The following RIPOR2 variants were observed in gnomAD, a reference collection of about 807,000 sequenced individuals.
The protein encoded by RIPOR2 is rho family-interacting cell polarization regulator 2.
Under a neutral mutation model 114.5 loss-of-function variants are expected in RIPOR2, and 39 were observed. The ratio of observed to expected loss-of-function variants is 0.34; its 90% CI spans 0.26 to 0.44. The LOEUF (loss-of-function observed/expected upper bound fraction) is 0.44. Ranked by LOEUF, RIPOR2 falls within the 20% of genes least tolerant of loss-of-function variation. The probability of loss-of-function intolerance (pLI) is 1.00; values close to 1 mark genes in which losing one functional copy is unlikely to be tolerated. For synonymous variants in RIPOR2, 445 were observed against 484.4 expected, an observed-to-expected ratio of 0.92 and a Z score of 1.07; for missense variants, 1,007 against 1,255.1, an observed-to-expected ratio of 0.80 and a Z score of 2.99.
intron 7 of RIPOR2, among the ~76,000 whole-genome samples, chr6:24,862,240 C>T (rs577413162): frequency 6.6e-6 from 1 of 152,240 alleles, no homozygotes; most frequent in African/African-American, 2.4e-5. Context: ...AATCTGGATG[C>T]TGCCTCTGCT....
intron 1 of RIPOR2, chr6:25,023,605 G>A: frequency 1.3e-6 from 1 of 764,398 alleles, no homozygotes; most frequent in South Asian, 1.3e-5. Flanking sequence ...AGGCCTTGAT[G>A]TCTAAATGAG....
At chr6:25,002,616 T>G (rs566349446) in intron 1 of RIPOR2, among the ~76,000 whole-genome samples, 3 of 152,364 alleles carry the variant, frequency 2.0e-5, no homozygotes, top group South Asian at 2.1e-4. Flanking sequence ...GAAGCAACAG[T>G]GCCCTTTAAA....
At chr6:24,998,547 A>T (rs995406679) in intron 1 of RIPOR2, among the ~76,000 whole-genome samples, 4 of 152,336 alleles carry the variant, frequency 2.6e-5, no homozygotes, top group African/African-American at 7.2e-5. Context: ...AACCCAGAAA[A>T]TCTGATTCCT....
chr6:24,873,156 A>G (rs1006707796), intron 3 of RIPOR2, among the ~76,000 whole-genome samples, 197 bp from the exon 4 acceptor site: 4 of 152,206 alleles, frequency 2.6e-5, no homozygotes, highest in Admixed American at 6.5e-5. Flanking sequence ...CCAGCTGGGA[A>G]AGTAGAAAAG....
intron 1 of RIPOR2, among the ~76,000 whole-genome samples, chr6:24,927,598 C>T (rs902696705): frequency 2.0e-5 from 3 of 151,464 alleles, no homozygotes; most frequent in East Asian, 1.9e-4. Context: ...TCTCTATAAT[C>T]GCTACCACCA....
At position 24,858,492 on chromosome 6, in the gene RIPOR2, CA is replaced by C. The variant is rs1458806667; in HGVS notation, c.715+2480del. 2.0e-5 allele frequency among the ~76,000 whole-genome samples: 3 copies of C among 152,136 alleles called. No homozygotes were observed. Among genetic ancestry groups the C allele is most frequent in the Non-Finnish European group, 4.4e-5 (3 of 68,018 alleles). On this transcript the variant is annotated intron_variant, in intron 8 of 21. Transcript: ENST00000643898. This position sits in a 1 kb window ranked among gnomAD's most constrained non-coding sequence, Gnocchi z 4.0. Reference sequence around the variant, plus strand: ...TAACAGATGAGAAAGCAGCTAATTGCAAAGACAATAGGATTTCTTGGCAGCA... The same window carrying C: ...TAACAGATGAGAAAGCAGCTAATTGCAAGACAATAGGATTTCTTGGCAGCA...
At chr6:24,943,232 A>G (rs949001493) in intron 1 of RIPOR2, among the ~76,000 whole-genome samples, 5 of 152,212 alleles carry the variant, frequency 3.3e-5, no homozygotes. Context: ...TCAGTAAATT[A>G]TCGCAAGGAC....
chr6:24,822,851 A>G (rs1357783604), intron 19 of RIPOR2, among the ~76,000 whole-genome samples: 1 of 152,210 alleles, frequency 6.6e-6, no homozygotes, highest in Non-Finnish European at 1.5e-5. Context: ...CTGTTGAGTC[A>G]TAAGGTTGCT....
chr6:24,958,117 C>A lies in RIPOR2; in HGVS notation c.77-82300G>T, dbSNP rs116479955. On this transcript the variant is annotated intron_variant, in intron 1 of 13. Coordinates refer to the RIPOR2 transcript ENST00000510784. The stretch of plus-strand genomic sequence containing the variant: ...TATTTAGGCAAAAATGGAAAAATAT[C>A]CGAATGCCTAAGAATCAGAGAATGA... Among the ~76,000 whole-genome samples the A allele has an allele frequency of 4.2e-3, 644 of 151,984 alleles. 7 individuals carry two copies. The highest frequency in any genetic ancestry group is 0.013 in the African/African-American group (528 of 41,454).
intron 1 of RIPOR2, among the ~76,000 whole-genome samples, chr6:24,980,210 C>T (rs1774229486): frequency 6.6e-6 from 1 of 152,202 alleles, no homozygotes; most frequent in Admixed American, 6.5e-5. Context: ...TCTCAATAAA[C>T]ACCATGAATG....
rs1429067251 is a variant in RIPOR2, at chr6:24,825,211, G to T, written c.2868+15C>A. On this transcript the variant is annotated intron_variant, in intron 19 of 21. Transcript: ENST00000643898. ...AACCAGCTTCTGGCTTGATGGCCAT[G>T]GTTTAGTGTCTTACCTTTTCCCTGA... The T allele has an allele frequency of 1.3e-6, 2 of 1,541,378 alleles. No homozygotes were observed. Among genetic ancestry groups the T allele is most frequent in the Admixed American group, 2.0e-5 (1 of 50,866 alleles).
At chr6:24,873,563 G>A in intron 3 of RIPOR2, 81 bp downstream of exon 3, 2 of 1,295,596 alleles carry the variant, frequency 1.5e-6, no homozygotes, top group Non-Finnish European at 2.2e-6. Context: ...ATAGACATCT[G>A]AAAAATGATC....
chr6:25,005,043 CATCCATTCT>C (rs1775492798), intron 1 of RIPOR2, among the ~76,000 whole-genome samples: 1 of 151,796 alleles, frequency 6.6e-6, no homozygotes, highest in Admixed American at 6.6e-5. Flanking sequence ...TCTGCTGTGT[CATCCATTCT>C]ATTACCCCCA....
At chr6:24,910,389 A>G (rs1013072755) in intron 1 of RIPOR2, among the ~76,000 whole-genome samples, 1 of 152,092 alleles carries the variant, frequency 6.6e-6, no homozygotes, top group Admixed American at 6.5e-5. Context: ...TGGATTCCCC[A>G]TAGGCTCTGC....
At chr6:25,029,377 C>A (rs1025334528) in intron 1 of RIPOR2, among the ~76,000 whole-genome samples, 15 of 130,532 alleles carry the variant, frequency 1.1e-4, no homozygotes, top group African/African-American at 4.0e-4. Context: ...TGCACTCCAA[C>A]CTGGACGACA....
intron 1 of RIPOR2, among the ~76,000 whole-genome samples, chr6:24,946,922 G>A (rs1772447615): frequency 1.3e-5 from 2 of 152,176 alleles, no homozygotes; most frequent in African/African-American, 4.8e-5. Flanking sequence ...TCCTGGCGTG[G>A]CTTCTTTTCA....
intron 1 of RIPOR2, among the ~76,000 whole-genome samples, chr6:24,912,686 C>T (rs910328112): frequency 7.2e-5 from 11 of 152,184 alleles, no homozygotes; most frequent in Admixed American, 6.5e-4. Flanking sequence ...CGGATTAGCA[C>T]AGTACTAATG....
At chr6:24,890,308 A>G (rs1767229140) in intron 1 of RIPOR2, among the ~76,000 whole-genome samples, 1 of 152,262 alleles carries the variant, frequency 6.6e-6, no homozygotes, top group African/African-American at 2.4e-5. Flanking sequence ...ACACAATACA[A>G]TACTATTCAA....
At position 24,867,709 on chromosome 6, in the gene RIPOR2, G is replaced by C. The variant is rs1764755817; in HGVS notation, c.501+1385C>G. Among the ~76,000 whole-genome samples, 4 of 152,288 alleles carry C rather than the reference G, an allele frequency of 2.6e-5. No individual in the cohort carries two copies. In the South Asian group the frequency reaches 6.2e-4, roughly 24 times the overall value. ...AAATATCAACCTATCCTAGCCAAAT[G>C]GAATTAAACTTTTGGATAAAGTATA... On this transcript the variant is annotated intron_variant, in intron 6 of 21. Coordinates refer to ENST00000643898, the MANE Select transcript of RIPOR2 (RefSeq NM_001286445.3).
Sources: allele counts gnomAD v4.1 joint callset (sites outside exome capture counted in the v4.1 genomes callset), GRCh38; gene constraint gnomAD v4.1.1; non-coding constraint Gnocchi (gnomAD v3.1); transcripts MANE v1.5; gene names NCBI Gene and HGNC (gene_info 2026-07-23, HGNC 2026-07-21).